D2HGDH: variants seen among roughly 807,000 people sequenced by gnomAD.
The protein encoded by D2HGDH is D-2-hydroxyglutarate dehydrogenase, mitochondrial.
D2HGDH carries 31 observed loss-of-function variants against 46.9 expected under a neutral mutation model. The ratio of observed to expected loss-of-function variants is 0.66; its 90% CI spans 0.50 to 0.89. D2HGDH has a LOEUF of 0.89. Ranked by LOEUF, D2HGDH falls within the 40% of genes least tolerant of loss-of-function variation. The pLI is 0.00. For synonymous variants in D2HGDH, 364 were observed against 332.6 expected, an observed-to-expected ratio of 1.09 and a Z score of -1.03; for missense variants, 698 against 720.8, an observed-to-expected ratio of 0.97 and a Z score of 0.36.
chr2:241,747,838 C>T (rs1174576667), intron 6 of D2HGDH, among the ~76,000 whole-genome samples: 3 of 152,146 alleles, frequency 2.0e-5, no homozygotes, highest in African/African-American at 7.2e-5. Context: ...GCTGGGGCTA[C>T]AGGCATGAGC....
chr2:241,750,997 A>T (rs1255770243), intron 7 of D2HGDH, among the ~76,000 whole-genome samples: 2 of 152,152 alleles, frequency 1.3e-5, no homozygotes, highest in African/African-American at 4.8e-5. Context: ...ACCTCAGGTG[A>T]TCCACCCACC....
chr2:241,762,969 A>G (rs1698961871), intron 9 of D2HGDH, among the ~76,000 whole-genome samples: 1 of 151,998 alleles, frequency 6.6e-6, no homozygotes. Flanking sequence ...ATGAGCTCAT[A>G]TTCGTTAGAT....
chr2:241,767,588 T>G, intron 9 of D2HGDH, 122 bp from the exon 10 acceptor site: 1 of 1,315,880 alleles, frequency 7.6e-7, no homozygotes, highest in Non-Finnish European at 1.0e-6. Context: ...GGCATGAGGG[T>G]GAGGCTCAGC....
intron 6 of D2HGDH, among the ~76,000 whole-genome samples, chr2:241,747,689 A>C (rs938637166): frequency 6.6e-6 from 1 of 151,676 alleles, no homozygotes; most frequent in Non-Finnish European, 1.5e-5. Context: ...CTGCCTCCCT[A>C]GTAGCTGGGA....
In D2HGDH at chr2:241,745,966, C is replaced by G. The variant is rs191497422; in HGVS notation, c.853+1089C>G. Among the ~76,000 whole-genome samples, 284 of 152,250 alleles carry G rather than the reference C, an allele frequency of 1.9e-3. 1 individual carries two copies. The highest frequency in any genetic ancestry group is 3.2e-3 in the Admixed American group (49 of 15,296). On this transcript the variant is annotated intron_variant, in intron 6 of 9. Transcript: ENST00000321264. ...AGGGATTCTGCCTCTCTCCTGGCCC[C>G]CCTTGGGCCACTTAAAGATCATTCT...
chr2:241,735,849 G>A (rs1692641014), intron 2 of D2HGDH: 4 of 355,726 alleles, frequency 1.1e-5, no homozygotes, highest in Non-Finnish European at 2.1e-5. Context: ...TGCCACCTCT[G>A]CCTCCCGGGT....
At chr2:241,746,840 A>T (rs1020012934) in intron 6 of D2HGDH, among the ~76,000 whole-genome samples, 1 of 151,504 alleles carries the variant, frequency 6.6e-6, no homozygotes, top group East Asian at 1.9e-4. Flanking sequence ...GTGGGCTGAG[A>T]TCATGCCACT....
chr2:241,764,670 C>T (rs1039261047), intron 9 of D2HGDH, among the ~76,000 whole-genome samples: 16 of 152,312 alleles, frequency 1.1e-4, no homozygotes, highest in African/African-American at 2.2e-4. Context: ...TTGGATCTGC[C>T]GCTTCTCAGT....
At chr2:241,755,818 A>G (rs1173463440) in intron 8 of D2HGDH, 31 bp from the exon 9 acceptor site, 3 of 1,610,340 alleles carry the variant, frequency 1.9e-6, no homozygotes, top group African/African-American at 1.3e-5. Context: ...TCCCATAGCC[A>G]GCCCTTGTCT....
intron 7 of D2HGDH, 51 bp from the exon 8 acceptor site, chr2:241,751,195 G>T (rs778455433): frequency 5.0e-6 from 8 of 1,613,030 alleles, no homozygotes; most frequent in Non-Finnish European, 5.9e-6. Context: ...CCTGATTCTT[G>T]CCCTGGCAGC....
At position 241,751,362 on chromosome 2, in the gene D2HGDH, A is replaced by G. The variant is rs778078622; in HGVS notation, c.1114A>G (p.Met372Val). The change falls in exon 8 of 10, where the codon ATG (methionine) becomes GTG (valine). Residue 372 changes from methionine to valine, a missense_variant. Met to Val is a conservative substitution (Grantham distance 21). Transcript: ENST00000321264. Reference protein sequence around the residue: ...LGSGLVTDGTMATDQRKVKML... With the variant: ...LGSGLVTDGTVATDQRKVKML... The stretch of plus-strand genomic sequence containing the variant: ...CTCCGGCCTGGTGACCGATGGGACC[A>G]TGGCCACCGACCAGAGGAAAGTCAA... The G allele has an allele frequency of 1.2e-6, 2 of 1,613,592 alleles. No homozygotes were observed. The highest frequency in any genetic ancestry group is 2.2e-5 in the East Asian group (1 of 44,876).
Position 241,768,024 on chromosome 2 carries a change from C to T in D2HGDH, c.*55C>T, listed in dbSNP as rs1022313673. 99 of 1,527,182 alleles carry T rather than the reference C, an allele frequency of 6.5e-5. No homozygotes were observed. Among genetic ancestry groups the T allele is most frequent in the Middle Eastern group, 2.3e-4 (1 of 4,422 alleles). 94.6% of individuals were successfully genotyped at this position (1,527,182 alleles called of 1,614,324 possible). ...TGGGGGTCGGCGGGTGGCTCTCGGGCGGGGGTGTTGCGGTGGCTCTGAGGG... is the reference window on the plus strand; with the variant it reads ...TGGGGGTCGGCGGGTGGCTCTCGGGTGGGGGTGTTGCGGTGGCTCTGAGGG... On this transcript the variant is annotated 3_prime_UTR_variant, in exon 10 of 10. Transcript: ENST00000321264.
chr2:241,752,538 G>T (rs989920445), intron 8 of D2HGDH, among the ~76,000 whole-genome samples: 2 of 152,102 alleles, frequency 1.3e-5, no homozygotes, highest in Admixed American at 1.3e-4. Context: ...GATCGCTGTG[G>T]CTGCATGTGC....
At position 241,767,986 on chromosome 2, in the gene D2HGDH, T is replaced by TGCC; in HGVS notation, c.*18_*20dup. 6.3e-7 allele frequency: 1 copy of TGCC among 1,577,592 alleles called. No homozygotes were observed. Among genetic ancestry groups the TGCC allele is most frequent in the Non-Finnish European group, 8.6e-7 (1 of 1,166,924 alleles). On this transcript the variant is annotated 3_prime_UTR_variant, in exon 10 of 10. Coordinates refer to ENST00000321264, the MANE Select transcript of D2HGDH (RefSeq NM_152783.5). ...CAGGCCTGACGGCCACTCCTGCTGC[T>TGCC]GCCAAGGCCCACTGGGGGTCGGCGG...
chr2:241,751,225 G>A (rs549727909), intron 7 of D2HGDH, 21 bp from the exon 8 acceptor site: 1 of 1,613,822 alleles, frequency 6.2e-7, no homozygotes, highest in South Asian at 1.1e-5. Flanking sequence ...TGCTCACTCT[G>A]CCTTCCTTGC....
chr2:241,753,992 C>T (rs1697744383), intron 8 of D2HGDH, among the ~76,000 whole-genome samples: 1 of 152,210 alleles, frequency 6.6e-6, no homozygotes, highest in African/African-American at 2.4e-5. Context: ...CCTGAGGGGT[C>T]ATTTCAGCAA....
chr2:241,740,388 G>A (rs1016191272), intron 2 of D2HGDH, among the ~76,000 whole-genome samples: 5 of 152,150 alleles, frequency 3.3e-5, no homozygotes, highest in African/African-American at 4.8e-5. Context: ...GGACCGAGCC[G>A]ACCTCACCAC....
At chr2:241,750,415 C>A (rs1422842930) in intron 7 of D2HGDH, 121 bp downstream of exon 7, 1 of 1,133,210 alleles carries the variant, frequency 8.8e-7, no homozygotes, top group South Asian at 1.4e-5. Context: ...GTGGGGGGTC[C>A]CTGGGCGGAG....
At chr2:241,739,074 C>T (rs909019621) in intron 2 of D2HGDH, among the ~76,000 whole-genome samples, 1 of 152,210 alleles carries the variant, frequency 6.6e-6, no homozygotes, top group Non-Finnish European at 1.5e-5. Flanking sequence ...ACAGGCTGGG[C>T]CCCTGTGTCA....
Sources: allele counts gnomAD v4.1 joint callset (sites outside exome capture counted in the v4.1 genomes callset), GRCh38; gene constraint gnomAD v4.1.1; transcripts MANE v1.5; gene names NCBI Gene and HGNC (gene_info 2026-07-23, HGNC 2026-07-21).